Variants in SERPINI1 observed in about 807,000 individuals in gnomAD.
SERPINI1 encodes neuroserpin.
A neutral mutation model predicts 41.1 loss-of-function variants in SERPINI1; 19 were observed. The ratio of observed to expected loss-of-function variants is 0.46; its 90% CI spans 0.32 to 0.68. The LOEUF (loss-of-function observed/expected upper bound fraction) is 0.68, where lower values mean the gene tolerates loss of function less well. Ranked by LOEUF, SERPINI1 falls within the 30% of genes least tolerant of loss-of-function variation. The pLI is 0.03. For missense variants in SERPINI1, 460 were observed against 479.2 expected (o/e 0.96, Z 0.37); for synonymous variants, 138 against 156.6 (o/e 0.88, Z 0.89).
intron 1 of SERPINI1, among the ~76,000 whole-genome samples, chr3:167,745,735 T>A (rs1559993371): frequency 6.6e-6 from 1 of 152,062 alleles, no homozygotes; most frequent in Non-Finnish European, 1.5e-5. Flanking sequence ...AAGATCGATA[T>A]AAAGAAACTA....
At chr3:167,822,796 A>T (rs1712381954) in intron 6 of SERPINI1, 190 bp from the exon 7 acceptor site, 1 of 526,128 alleles carries the variant, frequency 1.9e-6, no homozygotes, top group East Asian at 3.1e-5. Flanking sequence ...TTAGCAAAAG[A>T]ATATAAAATG....
At position 167,768,703 on chromosome 3, in the gene SERPINI1, TTCTC is replaced by T. The variant is rs147975771; in HGVS notation, c.-18-20406_-18-20403del. Among the ~76,000 whole-genome samples the T allele has an allele frequency of 4.5e-3, 681 of 152,314 alleles. 4 individuals are homozygous for T. The highest frequency in any genetic ancestry group is 0.016 in the African/African-American group (655 of 41,566). ...TTGTGTTTCAGATGGCTTATGGAAT[TTCTC>T]TAACGTATTATGCACATCCCTGAAG... On this transcript the variant is annotated intron_variant, in intron 1 of 8. Transcript: ENST00000446050.
chr3:167,764,572 C>T (rs1254212786), intron 1 of SERPINI1, among the ~76,000 whole-genome samples: 4 of 152,200 alleles, frequency 2.6e-5, no homozygotes, highest in Non-Finnish European at 5.9e-5. Flanking sequence ...TGGGTGGGGA[C>T]ACAGCCATAC....
chr3:167,740,849 A>T (rs1314522150), intron 1 of SERPINI1, among the ~76,000 whole-genome samples: 2 of 151,878 alleles, frequency 1.3e-5, no homozygotes, highest in East Asian at 3.9e-4. Flanking sequence ...ATGTGCTTTT[A>T]TGTAATACCT....
chr3:167,792,607 G>T lies in SERPINI1; in HGVS notation c.499G>T (p.Val167Leu). 6.2e-7 allele frequency: 1 copy of T among 1,613,286 alleles called. No homozygotes were observed. Among genetic ancestry groups the T allele is most frequent in the Non-Finnish European group, 8.5e-7 (1 of 1,179,696 alleles). Residue 167 changes from valine to leucine, a missense_variant, in exon 4 of 9, where the codon GTA becomes TTA. Coordinates refer to ENST00000446050, the MANE Select transcript of SERPINI1 (RefSeq NM_001122752.2). ...NNTNNLVKDLVSPRDFDAATY... is the reference protein window; with the variant it reads ...NNTNNLVKDLLSPRDFDAATY... The stretch of plus-strand genomic sequence containing the variant: ...CTAAATAGATCTGGTGAAAGATTTG[G>T]TATCCCCAAGGGATTTTGATGCTGC...
rs1215025241 is a variant in SERPINI1, at chr3:167,789,114, T to G, written c.-15T>G. 12 of 1,613,256 alleles carry G rather than the reference T, an allele frequency of 7.4e-6. No individual in the cohort carries two copies. The highest frequency in any genetic ancestry group is 1.0e-5 in the Non-Finnish European group (12 of 1,179,948). On this transcript the variant is annotated 5_prime_UTR_variant, in exon 2 of 9. Coordinates refer to ENST00000446050, the MANE Select transcript of SERPINI1 (RefSeq NM_001122752.2). ...TATGTAAATTGTTGTTTTTTAGGCT[T>G]GAAACTGTTACAATATGGCTTTCCT...
At chr3:167,744,627 A>G (rs1390827075) in intron 1 of SERPINI1, among the ~76,000 whole-genome samples, 1 of 137,424 alleles carries the variant, frequency 7.3e-6, no homozygotes, top group Non-Finnish European at 1.5e-5. Context: ...CTATATTTAA[A>G]TATTTTATAT....
chr3:167,804,936 G>C (rs1315348275), intron 5 of SERPINI1, among the ~76,000 whole-genome samples: 6 of 152,100 alleles, frequency 3.9e-5, no homozygotes, highest in Non-Finnish European at 8.8e-5. Context: ...TTGGGGAAGA[G>C]TCCATATTAA....
At position 167,794,702 on chromosome 3, in the gene SERPINI1, G is replaced by T; in HGVS notation, c.759G>T (p.Met253Ile). Reference protein sequence around the residue: ...EIPYEGDEISMMLVLSRQEVP... With the variant: ...EIPYEGDEISIMLVLSRQEVP... ...CATATGAAGGAGATGAAATAAGCATGATGCTGGTGCTGTCCAGACAGGAAG... is the reference window on the plus strand; with the variant it reads ...CATATGAAGGAGATGAAATAAGCATTATGCTGGTGCTGTCCAGACAGGAAG... The change falls in exon 5 of 9, where the codon ATG (methionine) becomes ATT (isoleucine). Residue 253 changes from methionine (M) to isoleucine (I), a missense_variant. Physicochemically the swap from Met to Ile is conservative, Grantham distance 10. Coordinates refer to ENST00000446050, the MANE Select transcript of SERPINI1 (RefSeq NM_001122752.2). 2 of 1,613,734 alleles carry T rather than the reference G, an allele frequency of 1.2e-6. No individual in the cohort carries two copies. The highest frequency in any genetic ancestry group is 1.7e-6 in the Non-Finnish European group (2 of 1,179,824).
At chr3:167,769,633 C>T (rs1726678271) in intron 1 of SERPINI1, among the ~76,000 whole-genome samples, 1 of 152,112 alleles carries the variant, frequency 6.6e-6, no homozygotes, top group Non-Finnish European at 1.5e-5. Flanking sequence ...GAGGTGACTG[C>T]TTTTCTGTCC....
At chr3:167,769,447 TA>T (rs1726672090) in intron 1 of SERPINI1, among the ~76,000 whole-genome samples, 1 of 152,258 alleles carries the variant, frequency 6.6e-6, no homozygotes, top group African/African-American at 2.4e-5. Context: ...ACAAAATATT[TA>T]ACTTTATGGA....
intron 1 of SERPINI1, among the ~76,000 whole-genome samples, chr3:167,747,941 T>G (rs1489622262): frequency 2.0e-5 from 3 of 151,624 alleles, no homozygotes; most frequent in Non-Finnish European, 4.4e-5. Context: ...TTTGTTGTTT[T>G]TTTTTTAATT....
intron 1 of SERPINI1, among the ~76,000 whole-genome samples, chr3:167,774,278 G>T (rs141297605): frequency 7.3e-4 from 111 of 152,262 alleles, no homozygotes; most frequent in African/African-American, 2.6e-3. Flanking sequence ...AATTTCATGA[G>T]ATTCAAGTTA....
chr3:167,760,562 TGTGTGTGTG>T (rs1331888122), intron 1 of SERPINI1, among the ~76,000 whole-genome samples: 2 of 930 alleles, frequency 2.2e-3, no homozygotes, highest in East Asian at 0.1. Context: ...GGCTCCAAAT[TGTGTGTGTG>T]TGTGTGTGTG....
chr3:167,753,801 A>G (rs1376870447), intron 1 of SERPINI1, among the ~76,000 whole-genome samples: 1 of 152,238 alleles, frequency 6.6e-6, no homozygotes, highest in Non-Finnish European at 1.5e-5. Context: ...ATATCAGAAG[A>G]CTATCAGTGT....
intron 1 of SERPINI1, among the ~76,000 whole-genome samples, 156 bp from the exon 2 acceptor site, chr3:167,788,955 A>G (rs941199082): frequency 1.3e-5 from 2 of 152,218 alleles, no homozygotes; most frequent in Non-Finnish European, 2.9e-5. Context: ...GGACCATGGT[A>G]TCTTGTTCCT....
chr3:167,752,456 C>T (rs1211406168), intron 1 of SERPINI1, among the ~76,000 whole-genome samples: 2 of 152,088 alleles, frequency 1.3e-5, no homozygotes, highest in Non-Finnish European at 2.9e-5. Flanking sequence ...AATCCTGACT[C>T]GCCCTTCCTT....
intron 1 of SERPINI1, among the ~76,000 whole-genome samples, chr3:167,739,095 G>T (rs925600242): frequency 2.7e-5 from 4 of 148,650 alleles, no homozygotes; most frequent in Non-Finnish European, 6.0e-5. Flanking sequence ...ATAAGGGAGA[G>T]ATTTTTTTGT....
At chr3:167,738,956 G>A (rs1404927608) in intron 1 of SERPINI1, among the ~76,000 whole-genome samples, 1 of 151,718 alleles carries the variant, frequency 6.6e-6, no homozygotes, top group Non-Finnish European at 1.5e-5. Flanking sequence ...TACCTAAACT[G>A]ATGTTTTGCC....
Sources: gnomAD v4.1 joint callset for allele counts (sites outside exome capture counted in the v4.1 genomes callset) on GRCh38, gnomAD v4.1.1 for gene constraint, MANE v1.5 for transcripts, NCBI Gene and HGNC (gene_info 2026-07-23, HGNC 2026-07-21) for gene names.